Variants in CBX3 observed in about 807,000 individuals in gnomAD.
CBX3 encodes chromobox protein homolog 3.
Under a neutral mutation model 22.6 loss-of-function variants are expected in CBX3, and 5 were observed. The observed-to-expected ratio is 0.22, with a 90% CI of 0.12 to 0.47. The LOEUF (loss-of-function observed/expected upper bound fraction) is 0.47, where lower values mean the gene tolerates loss of function less well. CBX3 is among the 20% of genes least tolerant of loss of function. CBX3 has a pLI of 0.99. For synonymous variants in CBX3, 50 were observed against 66.6 expected (o/e 0.75, Z 1.21); for missense variants, 83 against 208.1 (o/e 0.40, Z 3.70).
In CBX3 at chr7:26,212,783, AAG is replaced by A. The variant is rs543900752; in HGVS notation, c.*576_*577del. 156 of 152,386 alleles carry A rather than the reference AAG, an allele frequency of 1.0e-3. No homozygotes were observed. Among genetic ancestry groups the A allele is most frequent in the African/African-American group, 3.6e-3 (150 of 41,580 alleles). 9.4% of individuals were successfully genotyped at this position (152,386 alleles called of 1,614,324 possible). A position where few individuals can be genotyped will look rare whatever the true frequency, so the allele number is the denominator to read the frequency against. On this transcript the variant is annotated 3_prime_UTR_variant, in exon 6 of 6. Coordinates refer to ENST00000396386, the MANE Select transcript of CBX3 (RefSeq NM_016587.4). Reference sequence around the variant, plus strand: ...TGAAACCATACATTTCAAGTGAAATAAGTAATTCTAGATAGGACAATTTAAAT... The same window carrying A: ...TGAAACCATACATTTCAAGTGAAATATAATTCTAGATAGGACAATTTAAAT...
In CBX3 at chr7:26,206,628, A is replaced by C. The variant is rs563053656; in HGVS notation, c.167+118A>C. On this transcript the variant is annotated intron_variant, in intron 3 of 5. Transcript: ENST00000396386. ...TGTAGGTGTCTTTAAATGTAAAGAC[A>C]CTTTGAATTTTAGGTGTCTCATTTG... The C allele has an allele frequency of 1.4e-5, 13 of 938,436 alleles. No homozygotes were observed. The South Asian group carries it at 1.9e-4, about 14-fold the overall frequency. The allele number at this position is 938,436 out of a possible 1,614,324, so 58.1% of individuals were successfully genotyped here.
intron 3 of CBX3, 151 bp from the exon 4 acceptor site, chr7:26,208,242 G>T (rs1348092967): frequency 3.3e-5 from 17 of 522,740 alleles, no homozygotes; most frequent in Non-Finnish European, 4.7e-5. Flanking sequence ...AGGCTGGGGG[G>T]TGGGGTAATG....
rs889683873 is a variant in CBX3, at chr7:26,212,918, A to G, written c.*710A>G. 6.6e-6 allele frequency: 1 copy of G among 151,100 alleles called. No individual in the cohort carries two copies. The highest frequency in any genetic ancestry group is 6.6e-5 in the Admixed American group (1 of 15,262). 9.4% of individuals were successfully genotyped at this position (151,100 alleles called of 1,614,324 possible). ...CAGGTTTCCTCATCCAGATGAGGAA[A>G]CTAGACAAATGCTAGTGTGTTTTAA... On this transcript the variant is annotated 3_prime_UTR_variant, in exon 6 of 6. Transcript: ENST00000396386.
rs950375819 is a variant in CBX3 at position 26,211,641 on chromosome 7, G to GA, written c.331-15dup. ...ATTTAATACTCTGAGTTTGCTGTAT[G>GA]AAAAAATGTCTTCTAAACAGGCTGA... On this transcript the variant is annotated intron_variant, in intron 4 of 5. Transcript: ENST00000396386. The GA allele has an allele frequency of 5.2e-6, 8 of 1,529,298 alleles. No individual in the cohort carries two copies. The East Asian group carries it at 9.1e-5, about 17-fold the overall frequency. The allele number at this position is 1,529,298 out of a possible 1,614,324, so 94.7% of individuals were successfully genotyped here. A position where few individuals can be genotyped will look rare whatever the true frequency, so the allele number is the denominator to read the frequency against.
rs183208055 is a variant in CBX3, at chr7:26,205,694, A to T, written c.25-674A>T. On this transcript the variant is annotated intron_variant, in intron 2 of 5. Transcript: ENST00000396386. ...GTCATAGGTTCACCTAAGACCTGTCACTACTACTTGCTTCTCTGTATCACC... is the reference window on the plus strand; with the variant it reads ...GTCATAGGTTCACCTAAGACCTGTCTCTACTACTTGCTTCTCTGTATCACC... 3.9e-3 allele frequency among the ~76,000 whole-genome samples: 601 copies of T among 152,342 alleles called. 1 individual carries two copies. The highest frequency in any genetic ancestry group is 5.2e-3 in the Non-Finnish European group (355 of 68,036).
At chr7:26,203,773 G>A (rs1426033140) in intron 2 of CBX3, among the ~76,000 whole-genome samples, 1 of 152,124 alleles carries the variant, frequency 6.6e-6, no homozygotes, top group Non-Finnish European at 1.5e-5. Flanking sequence ...GTAAAATAAA[G>A]CATTTGTTTT....
chr7:26,211,558 T>C (rs1784803571), intron 4 of CBX3, 104 bp from the exon 5 acceptor site: 1 of 637,288 alleles, frequency 1.6e-6, no homozygotes, highest in Non-Finnish European at 2.7e-6. Context: ...GGGTTCTTGC[T>C]CTAGTCATTT....
At chr7:26,204,214 T>C (rs960149653) in intron 2 of CBX3, among the ~76,000 whole-genome samples, 7 of 149,788 alleles carry the variant, frequency 4.7e-5, no homozygotes, top group African/African-American at 1.5e-4. Context: ...ATGAATACTG[T>C]ATGGCATTTT....
chr7:26,204,675 C>T (rs544395963), intron 2 of CBX3, among the ~76,000 whole-genome samples: 10 of 152,292 alleles, frequency 6.6e-5, no homozygotes, highest in Non-Finnish European at 1.3e-4. Context: ...CTTGAAATGT[C>T]CTTCTGTAGC....
intron 2 of CBX3, among the ~76,000 whole-genome samples, chr7:26,205,751 C>A (rs529462460): frequency 3.3e-5 from 5 of 152,242 alleles, no homozygotes; most frequent in African/African-American, 9.6e-5. Flanking sequence ...TTGTTTGTTG[C>A]AGTGTTGTTA....
At chr7:26,202,405 C>G (rs1217201477) in intron 1 of CBX3, 1 of 152,538 alleles carries the variant, frequency 6.6e-6, no homozygotes, top group East Asian at 1.9e-4. Context: ...GCGCTTAGGC[C>G]TCTGGACGCC....
At chr7:26,211,886 T>A in intron 5 of CBX3, 130 bp downstream of exon 5, 1 of 860,178 alleles carries the variant, frequency 1.2e-6, no homozygotes, top group Non-Finnish European at 1.8e-6. Flanking sequence ...CTTTTACTAG[T>A]AGTGTTTTAA....
At chr7:26,210,696 G>C (rs1044733127) in intron 4 of CBX3, 5 of 151,986 alleles carry the variant, frequency 3.3e-5, no homozygotes, top group African/African-American at 1.2e-4. Flanking sequence ...ACTAACAGTA[G>C]AAATTAAAAC....
intron 2 of CBX3, among the ~76,000 whole-genome samples, chr7:26,204,916 A>G (rs764949129): frequency 5.9e-5 from 9 of 152,238 alleles, no homozygotes; most frequent in Non-Finnish European, 7.4e-5. Context: ...CAGCCTCCCA[A>G]GTAGCTGGGA....
chr7:26,205,059 G>A (rs1784643801), intron 2 of CBX3, among the ~76,000 whole-genome samples: 1 of 152,168 alleles, frequency 6.6e-6, no homozygotes, highest in African/African-American at 2.4e-5. Flanking sequence ...AAAGTGCTGG[G>A]ATTACAGGCA....
chr7:26,211,048 T>TA (rs1784792869), intron 4 of CBX3, among the ~76,000 whole-genome samples: 1 of 117,156 alleles, frequency 8.5e-6, no homozygotes, highest in Non-Finnish European at 1.8e-5. Context: ...ACACATAAAA[T>TA]AGACTTAATA....
upstream of CBX3, chr7:26,201,718 C>G (rs1345725800): frequency 6.5e-6 from 1 of 155,028 alleles, no homozygotes; most frequent in Non-Finnish European, 1.4e-5. Context: ...CCCGGCGGCC[C>G]CGCGCGCAGC....
In CBX3 at chr7:26,208,434, C is replaced by T. The variant is rs779064259; in HGVS notation, c.209C>T (p.Pro70Leu). Residue 70 changes from proline to leucine, a missense_variant, in exon 4 of 6, where the codon CCA (proline) becomes CTA (leucine). Around this residue, in one of 3 missense-constraint regions of CBX3, gnomAD observed 59 missense variants for 155.0 expected, o/e 0.38. Coordinates refer to ENST00000396386, the MANE Select transcript of CBX3 (RefSeq NM_016587.4). Reference sequence around the variant, plus strand: ...GAACCTGAAGAAAATTTAGATTGTCCAGAATTGATTGAAGCGTTTCTTAAC... The same window carrying T: ...GAACCTGAAGAAAATTTAGATTGTCTAGAATTGATTGAAGCGTTTCTTAAC... ...TWEPEENLDC[P>L]ELIEAFLNSQ... The T allele has an allele frequency of 1.2e-6, 2 of 1,612,238 alleles. No homozygotes were observed. The highest frequency in any genetic ancestry group is 1.7e-6 in the Non-Finnish European group (2 of 1,179,236).
chr7:26,205,152 T>C (rs1196219767), intron 2 of CBX3, among the ~76,000 whole-genome samples: 2 of 152,294 alleles, frequency 1.3e-5, no homozygotes, highest in Admixed American at 1.3e-4. Flanking sequence ...GATCTTCTGA[T>C]TAACCATTTC....
Sources: gnomAD v4.1 joint callset for allele counts (sites outside exome capture counted in the v4.1 genomes callset) on GRCh38, gnomAD v4.1.1 for gene constraint, gnomAD v4.1.1 regional missense constraint, MANE v1.5 for transcripts, NCBI Gene and HGNC (gene_info 2026-07-23, HGNC 2026-07-21) for gene names.